CDKN2B-AS1: variants seen among roughly 807,000 people sequenced by gnomAD.
CDKN2B-AS1 encodes the protein CDKN2B and CDKN2A antisense cis and trans regulatory RNA 1.
intron 4 of CDKN2B-AS1, among the ~76,000 whole-genome samples, chr9:22,125,997 T>C (rs1241990391): frequency 6.6e-6 from 1 of 152,196 alleles, no homozygotes; most frequent in Non-Finnish European, 1.5e-5. Context: ...TTACAGTTGA[T>C]CCTTGAATAA....
At chr9:22,090,684 T>TC (rs1825048823) in intron 4 of CDKN2B-AS1, among the ~76,000 whole-genome samples, 1 of 152,122 alleles carries the variant, frequency 6.6e-6, no homozygotes, top group African/African-American at 2.4e-5. Context: ...TGTTTTTTTT[T>TC]CTTGTAAATT....
chr9:22,095,187 G>C (rs575429431), intron 4 of CDKN2B-AS1, among the ~76,000 whole-genome samples: 2 of 144,788 alleles, frequency 1.4e-5, no homozygotes, highest in Non-Finnish European at 2.9e-5. Context: ...CGTCTCAGAG[G>C]GGTACCCAGC....
chr9:22,084,678 G>T (rs773591237), intron 4 of CDKN2B-AS1, among the ~76,000 whole-genome samples: 36 of 152,030 alleles, frequency 2.4e-4, no homozygotes, highest in Admixed American at 2.0e-3. Context: ...ATGGGTTCTT[G>T]GTAATCCCAG....
At chr9:22,127,944 G>A (rs923663330) in exon 5 of CDKN2B-AS1, among the ~76,000 whole-genome samples, 1 of 152,088 alleles carries the variant, frequency 6.6e-6, no homozygotes. Flanking sequence ...TGCATAAAAA[G>A]GGTAAGGATG....
chr9:22,015,402 G>C (rs989881640), intron 1 of CDKN2B-AS1, among the ~76,000 whole-genome samples: 4 of 152,018 alleles, frequency 2.6e-5, no homozygotes, highest in Non-Finnish European at 5.9e-5. Flanking sequence ...TTTAAATCAG[G>C]TAATGTAACC....
chr9:21,995,111 G>C (rs996404168), upstream of CDKN2B-AS1: 1 of 152,134 alleles, frequency 6.6e-6, no homozygotes, highest in Non-Finnish European at 1.5e-5. This position sits in a 1 kb window ranked among gnomAD's most constrained non-coding sequence, Gnocchi z 5.7. Context: ...TCTGGACACG[G>C]CGCGGCGCTG....
intron 4 of CDKN2B-AS1, chr9:22,120,110 C>T (rs527247803): frequency 5.9e-5 from 9 of 152,272 alleles, no homozygotes; most frequent in African/African-American, 1.9e-4. Context: ...TGAGTTGTAA[C>T]GATTGTATAC....
At chr9:22,020,262 A>G (rs944735365) in intron 1 of CDKN2B-AS1, among the ~76,000 whole-genome samples, 1 of 152,122 alleles carries the variant, frequency 6.6e-6, no homozygotes, top group African/African-American at 2.4e-5. Context: ...CATTTTCTTT[A>G]TCCAGTCTAT....
At chr9:22,127,525 G>C (rs973107177) in exon 5 of CDKN2B-AS1, among the ~76,000 whole-genome samples, 1 of 152,182 alleles carries the variant, frequency 6.6e-6, no homozygotes, top group Non-Finnish European at 1.5e-5. Flanking sequence ...CTTTAACGAG[G>C]AAAAGATGGT....
chr9:22,056,250 A>G (rs1008768883), intron 3 of CDKN2B-AS1: 3 of 110,740 alleles, frequency 2.7e-5, no homozygotes, highest in Non-Finnish European at 5.6e-5. Flanking sequence ...TTTTTTTTCC[A>G]GTAGAGACGG....
chr9:22,016,196 C>G (rs1410776187), intron 1 of CDKN2B-AS1, among the ~76,000 whole-genome samples: 5 of 152,082 alleles, frequency 3.3e-5, no homozygotes, highest in African/African-American at 1.2e-4. Context: ...ATGGTAATGC[C>G]TAGGTTTTCT....
At chr9:22,095,129 T>C (rs1449618515) in intron 4 of CDKN2B-AS1, among the ~76,000 whole-genome samples, 3 of 144,734 alleles carry the variant, frequency 2.1e-5, no homozygotes, top group Non-Finnish European at 4.4e-5. Context: ...GAACGGCGAA[T>C]GTTGCTGAAC....
At chr9:22,059,838 G>T (rs1250653264) in intron 4 of CDKN2B-AS1, among the ~76,000 whole-genome samples, 2 of 152,224 alleles carry the variant, frequency 1.3e-5, no homozygotes, top group African/African-American at 4.8e-5. Context: ...GCACCCACAG[G>T]GTCAACACCA....
chr9:22,051,005 G>A (rs551972619), intron 3 of CDKN2B-AS1, among the ~76,000 whole-genome samples: 90 of 152,300 alleles, frequency 5.9e-4, no homozygotes, highest in African/African-American at 2.1e-3. Context: ...GTAATATTGA[G>A]TTAATGACAC....
intron 1 of CDKN2B-AS1, among the ~76,000 whole-genome samples, chr9:22,015,382 A>G (rs559573525): frequency 6.6e-6 from 1 of 152,266 alleles, no homozygotes; most frequent in Admixed American, 6.5e-5. Flanking sequence ...AGGTAGCTTT[A>G]TAGGAAGTTT....
chr9:22,041,622 A>G (rs927102337), intron 1 of CDKN2B-AS1, among the ~76,000 whole-genome samples: 3 of 152,086 alleles, frequency 2.0e-5, no homozygotes, highest in African/African-American at 7.2e-5. Flanking sequence ...CTCTGAATCT[A>G]CTGCTGAAAG....
chr9:22,050,003 C>A (rs770017608), intron 3 of CDKN2B-AS1, among the ~76,000 whole-genome samples: 1 of 151,972 alleles, frequency 6.6e-6, no homozygotes, highest in Non-Finnish European at 1.5e-5. Context: ...GCCTTTTTGT[C>A]CTCAAACCAA....
intron 4 of CDKN2B-AS1, among the ~76,000 whole-genome samples, chr9:22,109,747 A>G (rs982027135): frequency 6.6e-6 from 1 of 152,166 alleles, no homozygotes; most frequent in East Asian, 1.9e-4. Flanking sequence ...AGATCATTCA[A>G]AAGTATTACC....
At chr9:21,994,797 A>C, upstream of CDKN2B-AS1, 34 of 165,010 alleles carry the variant, frequency 2.1e-4, no homozygotes, top group East Asian at 1.1e-3. Flanking sequence ...CCCTAGCTAC[A>C]TCCGTCACCT....
Sources: gnomAD v4.1 joint callset for allele counts (sites outside exome capture counted in the v4.1 genomes callset) on GRCh38, gnomAD v4.1.1 for gene constraint, Gnocchi (gnomAD v3.1) non-coding constraint, MANE v1.5 for transcripts, NCBI Gene and HGNC (gene_info 2026-07-23, HGNC 2026-07-21) for gene names.